The following NDUFAF6 variants were observed in gnomAD, a reference collection of about 807,000 sequenced individuals.
NDUFAF6 encodes NADH:ubiquinone oxidoreductase complex assembly factor 6, also known as NADH dehydrogenase (ubiquinone) complex I, assembly factor 6.
NDUFAF6 carries 45 observed loss-of-function variants against 40.8 expected under a neutral mutation model. The ratio of observed to expected loss-of-function variants is 1.10; its 90% CI spans 0.87 to 1.42. The LOEUF is 1.42. Ranked by LOEUF, NDUFAF6 falls within the 40% of genes most tolerant of loss-of-function variation. The pLI, the probability that NDUFAF6 is intolerant of heterozygous loss-of-function variation, is 0.00. For missense variants in NDUFAF6, 435 were observed against 418.5 expected (o/e 1.04, Z -0.34); for synonymous variants, 185 against 155.9 (o/e 1.19, Z -1.39).
rs117724020 is a variant in NDUFAF6, at chr8:95,039,840, T to C, written c.421-1730T>C. Among the ~76,000 whole-genome samples, 11 of 152,214 alleles carry C rather than the reference T, an allele frequency of 7.2e-5. No individual in the cohort carries two copies. In the East Asian group the frequency reaches 1.9e-3, roughly 27 times the overall value. ...GGTTGCTATGTTGCCCAGGCTGGTC[T>C]TGAACTCCTGAACTCCTGAACTCAA... On this transcript the variant is annotated intron_variant, in intron 3 of 8. Transcript: ENST00000396124.
chr8:95,104,195 C>T (rs1249442562), downstream of NDUFAF6, among the ~76,000 whole-genome samples: 1 of 152,120 alleles, frequency 6.6e-6, no homozygotes, highest in Non-Finnish European at 1.5e-5. Flanking sequence ...TAATTCATTA[C>T]CAACATTTAA....
chr8:94,964,645 C>A (rs1372492109), intron 1 of NDUFAF6, among the ~76,000 whole-genome samples: 1 of 151,960 alleles, frequency 6.6e-6, no homozygotes, highest in Non-Finnish European at 1.5e-5. Flanking sequence ...GAAGGAGGTG[C>A]CAGCTTCCTT....
At chr8:95,113,890 G>A (rs537632609) in intron 4 of NDUFAF6, among the ~76,000 whole-genome samples, 1 of 151,770 alleles carries the variant, frequency 6.6e-6, no homozygotes, top group African/African-American at 2.4e-5. Context: ...ATCATTCTCA[G>A]TAAACTATCG....
intron 1 of NDUFAF6, chr8:94,927,266 A>G (rs1362784811): frequency 6.6e-6 from 1 of 152,620 alleles, no homozygotes; most frequent in Admixed American, 6.5e-5. Context: ...TAAAGATAAT[A>G]TATAATGTAT....
chr8:95,060,357 A>G (rs1016976907), downstream of NDUFAF6, among the ~76,000 whole-genome samples: 5 of 152,204 alleles, frequency 3.3e-5, no homozygotes, highest in African/African-American at 9.6e-5. Context: ...TTGTTGTTGA[A>G]TAAGTGGATA....
At chr8:94,913,148 C>T (rs1384092590) in intron 1 of NDUFAF6, among the ~76,000 whole-genome samples, 1 of 152,208 alleles carries the variant, frequency 6.6e-6, no homozygotes, top group Non-Finnish European at 1.5e-5. Context: ...CATGTGTAAC[C>T]TCTGGTGTTT....
At chr8:94,985,513 A>T (rs1197940136) in intron 2 of NDUFAF6, among the ~76,000 whole-genome samples, 24 of 4,766 alleles carry the variant, frequency 5.0e-3, no homozygotes, top group Admixed American at 0.014. Context: ...ATATATATAT[A>T]TATTTTTTTT....
At chr8:95,023,111 C>G (rs915367403), upstream of NDUFAF6, 2 of 152,160 alleles carry the variant, frequency 1.3e-5, no homozygotes, top group Non-Finnish European at 2.9e-5. Flanking sequence ...TTATGTTAAG[C>G]CTTTTTGCCA....
At chr8:94,941,260 G>T (rs1020650109) in intron 1 of NDUFAF6, among the ~76,000 whole-genome samples, 1 of 152,058 alleles carries the variant, frequency 6.6e-6, no homozygotes, top group Non-Finnish European at 1.5e-5. Flanking sequence ...ATAATGTTTT[G>T]TAAATACTCT....
chr8:94,972,718 C>T (rs1221028350), intron 1 of NDUFAF6, among the ~76,000 whole-genome samples: 1 of 131,830 alleles, frequency 7.6e-6, no homozygotes, highest in Non-Finnish European at 1.6e-5. Context: ...TAGCAAGACC[C>T]TGTCTCTACT....
At chr8:95,008,611 A>AT (rs1305250030) in intron 2 of NDUFAF6, among the ~76,000 whole-genome samples, 1 of 152,124 alleles carries the variant, frequency 6.6e-6, no homozygotes, top group Non-Finnish European at 1.5e-5. Flanking sequence ...GGTTCAAACG[A>AT]TTCTTCTGAC....
exon 3 of NDUFAF6, chr8:95,103,411 T>C (rs958997768): frequency 1.3e-5 from 2 of 152,224 alleles, no homozygotes; most frequent in Admixed American, 6.5e-5. Context: ...TAATGCCTGT[T>C]TGAGTTGGAA....
intron 1 of NDUFAF6, among the ~76,000 whole-genome samples, chr8:94,970,245 C>T (rs1365075975): frequency 6.2e-5 from 8 of 128,074 alleles, no homozygotes; most frequent in Non-Finnish European, 4.9e-5. Context: ...CAGAGCAAGA[C>T]TCCGTCTCAA....
intron 1 of NDUFAF6, among the ~76,000 whole-genome samples, chr8:95,027,992 G>A (rs1450025913): frequency 6.6e-6 from 1 of 152,200 alleles, no homozygotes; most frequent in Non-Finnish European, 1.5e-5. Context: ...CAGAGCCTCA[G>A]GCTGTAGTGA....
At chr8:95,052,355 C>G in intron 8 of NDUFAF6, 125 bp downstream of exon 8, 1 of 1,013,814 alleles carries the variant, frequency 9.9e-7, no homozygotes. Flanking sequence ...TTCCCTCCCT[C>G]ATGGCGGCTT....
intron 1 of NDUFAF6, among the ~76,000 whole-genome samples, chr8:94,910,661 A>G (rs1258711015): frequency 1.3e-5 from 2 of 152,206 alleles, no homozygotes; most frequent in South Asian, 2.1e-4. Context: ...GCATATCTCT[A>G]TGAGTCAAAA....
intron 2 of NDUFAF6, among the ~76,000 whole-genome samples, chr8:94,990,284 A>G (rs1195245662): frequency 6.6e-6 from 1 of 152,204 alleles, no homozygotes; most frequent in African/African-American, 2.4e-5. Flanking sequence ...ATTGTAGGCC[A>G]CTGTGATGGG....
At chr8:95,017,587 T>C (rs1448224713) in intron 2 of NDUFAF6, among the ~76,000 whole-genome samples, 4 of 152,220 alleles carry the variant, frequency 2.6e-5, no homozygotes, top group Non-Finnish European at 4.4e-5. Context: ...CTTAGGTGTT[T>C]AGCTAGCCAG....
At chr8:95,107,827 G>A (rs1157100027), downstream of NDUFAF6, among the ~76,000 whole-genome samples, 1 of 152,210 alleles carries the variant, frequency 6.6e-6, no homozygotes, top group Non-Finnish European at 1.5e-5. Flanking sequence ...AGGAGCTTGG[G>A]AGGGTATAAC....
Sources: allele counts gnomAD v4.1 joint callset (sites outside exome capture counted in the v4.1 genomes callset), GRCh38; gene constraint gnomAD v4.1.1; transcripts MANE v1.5; gene names NCBI Gene and HGNC (gene_info 2026-07-23, HGNC 2026-07-21).